MYO9A: variants seen among roughly 807,000 people sequenced by gnomAD.
MYO9A encodes unconventional myosin-IXa.
In MYO9A, 103 loss-of-function variants were observed where a neutral mutation model predicts 293.3. The ratio of observed to expected loss-of-function variants is 0.35; its 90% CI spans 0.30 to 0.41. MYO9A has a LOEUF of 0.41. Ranked by LOEUF, MYO9A falls within the 10% of genes least tolerant of loss-of-function variation. The probability of loss-of-function intolerance (pLI) is 1.00; values close to 1 mark genes in which losing one functional copy is unlikely to be tolerated. For missense variants in MYO9A, 2,685 were observed against 3,033.0 expected, an observed-to-expected ratio of 0.89 and a Z score of 2.69; for synonymous variants, 1,001 against 1,035.7, an observed-to-expected ratio of 0.97 and a Z score of 0.64.
intron 8 of MYO9A, among the ~76,000 whole-genome samples, chr15:72,005,434 G>A (rs968865175): frequency 6.6e-6 from 1 of 152,014 alleles, no homozygotes; most frequent in African/African-American, 2.4e-5. Context: ...AGACTTATAA[G>A]TAAGACCATT....
At chr15:72,071,962 C>T (rs528428822) in intron 1 of MYO9A, among the ~76,000 whole-genome samples, 9 of 149,798 alleles carry the variant, frequency 6.0e-5, no homozygotes, top group Admixed American at 2.7e-4. Flanking sequence ...CCCAGCTATT[C>T]GGAAGGCTGG....
chr15:72,071,772 A>G (rs1427644882), intron 1 of MYO9A, among the ~76,000 whole-genome samples: 2 of 152,026 alleles, frequency 1.3e-5, no homozygotes, highest in East Asian at 3.9e-4. Flanking sequence ...ATAAAAATAA[A>G]AAAGAAATGT....
intron 31 of MYO9A, 71 bp downstream of exon 31, chr15:71,877,969 A>G: frequency 7.5e-7 from 1 of 1,331,702 alleles, no homozygotes; most frequent in Non-Finnish European, 1.0e-6. Context: ...CTCAAATACA[A>G]GATGTCCCAA....
intron 21 of MYO9A, among the ~76,000 whole-genome samples, chr15:71,903,654 G>T (rs927133256): frequency 4.6e-5 from 7 of 152,212 alleles, no homozygotes; most frequent in Admixed American, 2.6e-4. Flanking sequence ...TCAGTGCAAA[G>T]AATTGTTATA....
Position 71,893,670 on chromosome 15 carries a change from A to G in MYO9A, c.5142+9T>C. 2 of 1,607,960 alleles carry G rather than the reference A, an allele frequency of 1.2e-6. No homozygotes were observed. Among genetic ancestry groups the G allele is most frequent in the Non-Finnish European group, 1.7e-6 (2 of 1,174,876 alleles). On this transcript the variant is annotated intron_variant, in intron 26 of 41. Transcript: ENST00000356056. ...ATAGAAGATAGATAAACAAAAACTC[A>G]AAACTTACCTCTCTTTGGCCTGGCC...
chr15:71,862,032 G>T (rs551494967), intron 33 of MYO9A, among the ~76,000 whole-genome samples: 15 of 152,214 alleles, frequency 9.9e-5, no homozygotes, highest in Non-Finnish European at 2.1e-4. Flanking sequence ...TCGGGAGGCT[G>T]AGGCAGGGAG....
chr15:71,850,874 G>A (rs12899485), intron 37 of MYO9A, among the ~76,000 whole-genome samples: 30,502 of 149,214 alleles, frequency 0.2, 3,290 homozygotes, highest in East Asian at 0.42. Context: ...TTTACACACA[G>A]GGGAAGAGAC....
chr15:71,923,284 T>G (rs143422044), intron 18 of MYO9A, among the ~76,000 whole-genome samples: 1 of 152,214 alleles, frequency 6.6e-6, no homozygotes, highest in East Asian at 1.9e-4. Context: ...TAGTAGTTTG[T>G]TGAGGATTTA....
chr15:71,835,225 T>C (rs143997418), intron 39 of MYO9A, among the ~76,000 whole-genome samples: 2 of 152,256 alleles, frequency 1.3e-5, no homozygotes, highest in East Asian at 1.9e-4. Context: ...AGCTTTTCCT[T>C]TGGGGCTGGG....
Position 71,898,704 on chromosome 15 carries a change from C to G in MYO9A, c.3799G>C (p.Val1267Leu). The change falls in exon 25 of 42, where the codon GTA becomes CTA. Residue 1267 changes from valine to leucine, a missense_variant. This residue lies in a region of MYO9A where 1,434 missense variants were observed against 1,497.7 expected (regional missense o/e 0.96). Coordinates refer to ENST00000356056, the MANE Select transcript of MYO9A (RefSeq NM_006901.4). Reference protein sequence around the residue: ...RSLEDLHQKKVGRAKRESRRM... With the variant: ...RSLEDLHQKKLGRAKRESRRM... ...CTACTTTCTCTCTTAGCCCGGCCTA[C>G]TTTTTTCTGATGGAGATCCTCCAAG... 6.2e-7 allele frequency: 1 copy of G among 1,614,054 alleles called. No homozygotes were observed.
chr15:71,965,962 C>T (rs771419081), intron 13 of MYO9A, among the ~76,000 whole-genome samples: 8 of 152,032 alleles, frequency 5.3e-5, no homozygotes, highest in Non-Finnish European at 1.2e-4. Flanking sequence ...ATGCAACCTC[C>T]TCCTCCCAGG....
chr15:71,910,182 A>ATATATATATACGTGTGTATATATATAT (rs1567260909), intron 19 of MYO9A, among the ~76,000 whole-genome samples: 1 of 145,738 alleles, frequency 6.9e-6, no homozygotes, highest in Non-Finnish European at 1.5e-5. Flanking sequence ...ATATATATAT[A>ATATATATATACGTGTGTATATATATAT]AAATCAGAAA....
chr15:72,107,764 C>T (rs1291325927), intron 1 of MYO9A, among the ~76,000 whole-genome samples: 1 of 148,654 alleles, frequency 6.7e-6, no homozygotes, highest in Non-Finnish European at 1.5e-5. Flanking sequence ...TTTGAAGAAG[C>T]TCCCACTGTC....
In MYO9A at chr15:72,027,924, G is replaced by A. The variant is rs531787077; in HGVS notation, c.936-131C>T. 5.1e-5 allele frequency: 33 copies of A among 647,318 alleles called. No homozygotes were observed. In the South Asian group the frequency reaches 5.4e-4, roughly 11 times the overall value. 40.1% of individuals were successfully genotyped at this position (647,318 alleles called of 1,614,324 possible). On this transcript the variant is annotated intron_variant, in intron 3 of 41. Transcript: ENST00000356056. ...TCAAAATATGCGCCATTGGCCGGGC[G>A]AGGTGGCTCACACCTGTAATCTCAG...
At chr15:72,118,599 C>G (rs2081097120), upstream of MYO9A, 1 of 152,304 alleles carries the variant, frequency 6.6e-6, no homozygotes, top group Non-Finnish European at 1.5e-5. Flanking sequence ...GCCCCCGCCC[C>G]TTTTCAAACA....
chr15:72,077,734 A>G (rs1387515355), intron 1 of MYO9A, among the ~76,000 whole-genome samples: 1 of 70,726 alleles, frequency 1.4e-5, no homozygotes, highest in East Asian at 9.2e-4. Flanking sequence ...TGTCTCAAAG[A>G]AAAAAAAAAA....
chr15:72,091,588 G>A (rs1212827977), intron 1 of MYO9A, among the ~76,000 whole-genome samples: 1 of 152,012 alleles, frequency 6.6e-6, no homozygotes, highest in Non-Finnish European at 1.5e-5. Context: ...CTCTCTCTGA[G>A]CCTTAATTTC....
chr15:71,935,786 T>C (rs1177919927), intron 16 of MYO9A, among the ~76,000 whole-genome samples: 3 of 152,116 alleles, frequency 2.0e-5, no homozygotes, highest in Non-Finnish European at 1.5e-5. Flanking sequence ...AAATGGATTA[T>C]AGTATCTTCC....
At position 71,826,744 on chromosome 15, in the gene MYO9A, G is replaced by T. The variant is rs369018033; in HGVS notation, c.7483C>A (p.Pro2495Thr). 6.8e-6 allele frequency: 11 copies of T among 1,613,946 alleles called. No homozygotes were observed. In the Admixed American group the frequency reaches 1.2e-4, roughly 17 times the overall value. Residue 2495 changes from proline (P) to threonine (T), a missense_variant, in exon 42 of 42, where the codon CCG becomes ACG. Around this residue, in one of 10 missense-constraint regions of MYO9A, gnomAD observed 350 missense variants for 328.9 expected, o/e 1.06. Transcript: ENST00000356056. ...PQFISRGTFN[P>T]EKGKQKLKNV... ...TTTAATTTTTGTTTGCCCTTTTCCG[G>T]GTTGAAGGTTCCTCTGCTGATGAAC... is the stretch of plus-strand genomic sequence containing the variant.
Sources: gnomAD v4.1 joint callset for allele counts (sites outside exome capture counted in the v4.1 genomes callset) on GRCh38, gnomAD v4.1.1 for gene constraint, gnomAD v4.1.1 regional missense constraint, MANE v1.5 for transcripts, NCBI Gene and HGNC (gene_info 2026-07-23, HGNC 2026-07-21) for gene names.